KCNK6: variants seen among roughly 807,000 people sequenced by gnomAD.
KCNK6 encodes potassium two pore domain channel subfamily K member 6, also known as potassium channel subfamily K member 6.
In KCNK6, 20 loss-of-function variants were observed where a neutral mutation model predicts 21.9. That is an observed-to-expected ratio of 0.91 (90% CI 0.64 to 1.32). The LOEUF (loss-of-function observed/expected upper bound fraction) is 1.32. Among genes scored for constraint, KCNK6 ranks in the 40% most tolerant of loss-of-function variants. The pLI is 0.00. For synonymous variants in KCNK6, 210 were observed against 218.0 expected, an observed-to-expected ratio of 0.96 and a Z score of 0.32; for missense variants, 415 against 433.1, an observed-to-expected ratio of 0.96 and a Z score of 0.37.
rs1489409210 is a variant in KCNK6, at chr19:38,327,679, C to T, written c.*276C>T. The T allele has an allele frequency of 1.4e-5, 7 of 494,066 alleles. No homozygotes were observed. Among genetic ancestry groups the T allele is most frequent in the Non-Finnish European group, 2.6e-5 (7 of 272,940 alleles). 30.6% of individuals were successfully genotyped at this position (494,066 alleles called of 1,614,324 possible). The stretch of plus-strand genomic sequence containing the variant: ...TGTGTCTCTCTGGCTCTCTGGCATT[C>T]TCGCTGCCTCTGTCTTTCCCTCTTG... On this transcript the variant is annotated 3_prime_UTR_variant, in exon 3 of 3. Coordinates refer to ENST00000263372, the MANE Select transcript of KCNK6 (RefSeq NM_004823.3).
In KCNK6 at chr19:38,320,246, T is replaced by C. The variant is rs748875386; in HGVS notation, c.296T>C (p.Phe99Ser). ...TGGGACTTCGCCTCTGCTCTCTTCT[T>C]CGCCAGCACGCTGATCACCACCGTG... ...PAWDFASALF[F>S]ASTLITTVGY... Residue 99 changes from phenylalanine to serine, a missense_variant, in exon 1 of 3, where the codon TTC becomes TCC. Coordinates refer to ENST00000263372, the MANE Select transcript of KCNK6 (RefSeq NM_004823.3). 2 of 1,606,196 alleles carry C rather than the reference T, an allele frequency of 1.2e-6. No homozygotes were observed. Among genetic ancestry groups the C allele is most frequent in the African/African-American group, 2.7e-5 (2 of 74,816 alleles).
At position 38,320,082 on chromosome 19, in the gene KCNK6, G is replaced by C. The variant is rs539113103; in HGVS notation, c.132G>C (p.Arg44=). The C allele has an allele frequency of 2.6e-6, 4 of 1,535,064 alleles. No homozygotes were observed. The South Asian group carries it at 3.5e-5, about 14-fold the overall frequency. The stretch of plus-strand genomic sequence containing the variant: ...TCCGAGCCGAGCTGGAGACGCTGCG[G>C]GCGCAGCTGCTTCAGCGCAGCCCGT... ...ARLRAELETL[R]AQLLQRSPCV... The change falls in exon 1 of 3, where the codon CGG becomes CGC. Residue 44 remains arginine (R), a synonymous_variant. Transcript: ENST00000263372.
At chr19:38,323,831 C>T (rs145293655) in intron 1 of KCNK6, among the ~76,000 whole-genome samples, 3 of 152,180 alleles carry the variant, frequency 2.0e-5, no homozygotes, top group South Asian at 2.1e-4. Flanking sequence ...TAGGCTCAAG[C>T]GGTTCTCCTG....
chr19:38,327,446 C>G lies in KCNK6; in HGVS notation c.*43C>G, dbSNP rs774513893. The G allele has an allele frequency of 6.3e-7, 1 of 1,577,122 alleles. No individual in the cohort carries two copies. Among genetic ancestry groups the G allele is most frequent in the Admixed American group, 1.7e-5 (1 of 59,366 alleles). On this transcript the variant is annotated 3_prime_UTR_variant, in exon 3 of 3. Coordinates refer to ENST00000263372, the MANE Select transcript of KCNK6 (RefSeq NM_004823.3). ...AGGCTTGGGTGTGCCTGGCCTGGGA[C>G]TGAGGGGTCCAGGCGACCAGAGCTG... is the stretch of plus-strand genomic sequence containing the variant.
chr19:38,323,354 A>G (rs1273227786), intron 1 of KCNK6, among the ~76,000 whole-genome samples: 1 of 152,212 alleles, frequency 6.6e-6, no homozygotes, highest in Admixed American at 6.5e-5. Context: ...TGGAAAACCA[A>G]TTAAACGTGA....
At chr19:38,322,424 G>A (rs748337411) in intron 1 of KCNK6, among the ~76,000 whole-genome samples, 3 of 152,218 alleles carry the variant, frequency 2.0e-5, no homozygotes, top group Non-Finnish European at 4.4e-5. Flanking sequence ...GTGGATGGAA[G>A]AATACTAAGA....
Position 38,320,290 on chromosome 19 carries a change from C to T in KCNK6, c.322+18C>T, listed in dbSNP as rs750280781. On this transcript the variant is annotated intron_variant, in intron 1 of 2. Coordinates refer to ENST00000263372, the MANE Select transcript of KCNK6 (RefSeq NM_004823.3). ...CACCGTGGGTACGTAAGCGCCTCAC[C>T]GCAAGGCGGCGAGGACCCGGGATCC... 1.1e-5 allele frequency: 18 copies of T among 1,603,522 alleles called. No individual in the cohort carries two copies. The highest frequency in any genetic ancestry group is 1.5e-5 in the Non-Finnish European group (18 of 1,179,048).
intron 1 of KCNK6, among the ~76,000 whole-genome samples, chr19:38,324,427 C>T (rs1474151396): frequency 6.6e-6 from 1 of 151,934 alleles, no homozygotes; most frequent in Non-Finnish European, 1.5e-5. Context: ...ACCTAGGCTC[C>T]TTCTCAGCAA....
At chr19:38,326,403 A>G (rs1969707110) in intron 1 of KCNK6, among the ~76,000 whole-genome samples, 190 bp from the exon 2 acceptor site, 1 of 151,964 alleles carries the variant, frequency 6.6e-6, no homozygotes, top group Non-Finnish European at 1.5e-5. Context: ...TTTAAAATCA[A>G]CGGGGCGTGC....
At chr19:38,325,065 T>A (rs1442450218) in intron 1 of KCNK6, 1 of 152,000 alleles carries the variant, frequency 6.6e-6, no homozygotes, top group Non-Finnish European at 1.5e-5. Context: ...CCATGCCATG[T>A]GGGAGATGGA....
Position 38,327,894 on chromosome 19 carries a change from G to C in KCNK6, c.*491G>C, listed in dbSNP as rs569437034. The C allele has an allele frequency of 3.5e-4, 71 of 202,266 alleles. 1 individual carries two copies. In the South Asian group the frequency reaches 5.3e-3, roughly 15 times the overall value. 12.5% of individuals were successfully genotyped at this position (202,266 alleles called of 1,614,324 possible). A position where few individuals can be genotyped will look rare whatever the true frequency, so the allele number is the denominator to read the frequency against. On this transcript the variant is annotated 3_prime_UTR_variant, in exon 3 of 3. Coordinates refer to ENST00000263372, the MANE Select transcript of KCNK6 (RefSeq NM_004823.3). ...CAGCTGCCAAATGGGAAGAATAGAA[G>C]AATTTGCCCCTAAACCCCTCCTGTG...
At chr19:38,321,417 G>T (rs982028567) in intron 1 of KCNK6, among the ~76,000 whole-genome samples, 2 of 152,156 alleles carry the variant, frequency 1.3e-5, no homozygotes, top group Non-Finnish European at 2.9e-5. Context: ...TCCCAATAGG[G>T]ACACCACCTG....
At chr19:38,324,781 AG>A (rs1370531768) in intron 1 of KCNK6, among the ~76,000 whole-genome samples, 2 of 152,046 alleles carry the variant, frequency 1.3e-5, no homozygotes, top group Non-Finnish European at 2.9e-5. Flanking sequence ...AAGTAGAGAT[AG>A]GGTCTTCCTA....
At chr19:38,322,523 G>T (rs77617224) in intron 1 of KCNK6, among the ~76,000 whole-genome samples, 1 of 152,132 alleles carries the variant, frequency 6.6e-6, no homozygotes, top group African/African-American at 2.4e-5. Context: ...ATATTGAGAG[G>T]GGGTGGATGA....
chr19:38,320,041 C>A lies in KCNK6; in HGVS notation c.91C>A (p.Pro31Thr). ...GCTGTTGGTGGCGCGGCTGGAGGGG[C>A]CGCACGAAGCCAGGCTCCGAGCCGA... ...GALLVARLEG[P>T]HEARLRAELE... Residue 31 changes from proline (P) to threonine (T), a missense_variant, in exon 1 of 3, where the codon CCG becomes ACG. Coordinates refer to ENST00000263372, the MANE Select transcript of KCNK6 (RefSeq NM_004823.3). 1 of 1,501,550 alleles carries A rather than the reference C, an allele frequency of 6.7e-7. No homozygotes were observed. Among genetic ancestry groups the A allele is most frequent in the Non-Finnish European group, 8.8e-7 (1 of 1,133,870 alleles). The allele number at this position is 1,501,550 out of a possible 1,614,324, so 93.0% of individuals were successfully genotyped here.
At chr19:38,325,940 T>TGGGGAA (rs1969702411) in intron 1 of KCNK6, among the ~76,000 whole-genome samples, 1 of 151,146 alleles carries the variant, frequency 6.6e-6, no homozygotes, top group Admixed American at 6.6e-5. Flanking sequence ...GGGCTGGGGA[T>TGGGGAA]GGGGAAGGGA....
Position 38,327,283 on chromosome 19 carries a change from G to C in KCNK6, c.822G>C (p.Pro274=). 6.2e-7 allele frequency: 1 copy of C among 1,613,642 alleles called. No homozygotes were observed. The highest frequency in any genetic ancestry group is 8.5e-7 in the Non-Finnish European group (1 of 1,180,016). Residue 274 remains proline (P), a synonymous_variant, in exon 3 of 3, where the codon CCG becomes CCC. Coordinates refer to ENST00000263372, the MANE Select transcript of KCNK6 (RefSeq NM_004823.3). ...CGGAGCTCATCCTGCTGCCCCCTCC[G>C]TGCCCTGCCAGTTTCAATGCGGATG... The part of the protein sequence containing the change: ...GLTELILLPP[P]CPASFNADED...
chr19:38,320,855 G>A (rs1969644197), intron 1 of KCNK6, among the ~76,000 whole-genome samples: 1 of 151,990 alleles, frequency 6.6e-6, no homozygotes, highest in East Asian at 1.9e-4. Flanking sequence ...CACTGCACTG[G>A]GACTGCATTC....
intron 1 of KCNK6, chr19:38,325,688 A>T (rs1438838571): frequency 3.9e-6 from 1 of 255,814 alleles, no homozygotes; most frequent in Non-Finnish European, 6.1e-6. Context: ...TGAGAAGGTG[A>T]CATTTGGATG....
Sources: gnomAD v4.1 joint callset for allele counts (sites outside exome capture counted in the v4.1 genomes callset) on GRCh38, gnomAD v4.1.1 for gene constraint, MANE v1.5 for transcripts, NCBI Gene and HGNC (gene_info 2026-07-23, HGNC 2026-07-21) for gene names.